Variants in PLD5 observed in about 807,000 individuals in gnomAD.
PLD5 encodes the protein phospholipase D family member 5.
A neutral mutation model predicts 61.1 loss-of-function variants in PLD5; 36 were observed. The observed-to-expected ratio is 0.59, with a 90% confidence interval of 0.45 to 0.78. The LOEUF is 0.78. Among genes scored for constraint, PLD5 ranks in the 30% least tolerant of loss-of-function variants. The pLI is 0.00. For synonymous variants in PLD5, 243 were observed against 242.8 expected (o/e 1.00, Z -0.01); for missense variants, 515 against 644.4 (o/e 0.80, Z 2.17).
intron 1 of PLD5, among the ~76,000 whole-genome samples, chr1:242,486,053 C>A (rs1460548081): frequency 4.6e-5 from 7 of 152,056 alleles, no homozygotes; most frequent in Non-Finnish European, 5.9e-5. Flanking sequence ...ACACCTTATA[C>A]AAAAATTAAT....
At position 242,171,111 on chromosome 1, in the gene PLD5, G is replaced by A. The variant is rs1666717853; in HGVS notation, c.736-46446C>T. ...GTCAGATACAACAGGGTTGAAATGA[G>A]GGAAAAAATGTTAAGGGCAGCCAGA... On this transcript the variant is annotated intron_variant, in intron 5 of 9. Coordinates refer to ENST00000536534, the MANE Select transcript of PLD5 (RefSeq NM_001372062.1). Among the ~76,000 whole-genome samples the A allele has an allele frequency of 2.0e-5, 3 of 152,096 alleles. No homozygotes were observed. The South Asian group carries it at 6.2e-4, about 32-fold the overall frequency.
At chr1:242,157,201 A>G (rs1175948169) in intron 5 of PLD5, among the ~76,000 whole-genome samples, 2 of 152,174 alleles carry the variant, frequency 1.3e-5, no homozygotes, top group African/African-American at 4.8e-5. Flanking sequence ...TTTCAGCTCC[A>G]TCAGGTCATC....
chr1:242,189,328 C>T (rs550747812), intron 5 of PLD5, among the ~76,000 whole-genome samples: 20 of 151,452 alleles, frequency 1.3e-4, no homozygotes, highest in Admixed American at 5.3e-4. Flanking sequence ...CACCTGTAAT[C>T]CCAGTTATTG....
chr1:242,120,554 A>G (rs1262002226), intron 6 of PLD5, among the ~76,000 whole-genome samples: 1 of 152,172 alleles, frequency 6.6e-6, no homozygotes, highest in African/African-American at 2.4e-5. Context: ...TCTAAAGAGG[A>G]ATGTGATGCA....
chr1:242,512,359 G>T (rs772345612), intron 1 of PLD5, among the ~76,000 whole-genome samples: 1 of 149,148 alleles, frequency 6.7e-6, no homozygotes, highest in East Asian at 2.0e-4. Flanking sequence ...GGCAGAGCTT[G>T]CAGTGAGCCA....
intron 5 of PLD5, among the ~76,000 whole-genome samples, chr1:242,193,526 TCA>T (rs1478809894): frequency 6.6e-6 from 1 of 152,190 alleles, no homozygotes; most frequent in African/African-American, 2.4e-5. Context: ...GGCTGCTACT[TCA>T]CAGTTTGACT....
intron 1 of PLD5, among the ~76,000 whole-genome samples, chr1:242,380,644 T>C (rs1447100987): frequency 2.0e-5 from 3 of 152,080 alleles, no homozygotes; most frequent in African/African-American, 7.2e-5. Flanking sequence ...TTTTGTAATC[T>C]ATCCATTTGA....
intron 5 of PLD5, among the ~76,000 whole-genome samples, chr1:242,168,771 G>A (rs1478265099): frequency 1.3e-5 from 2 of 148,856 alleles, no homozygotes; most frequent in African/African-American, 5.0e-5. Context: ...TAAAATAGCA[G>A]TTGTTTAAAG....
At chr1:242,183,259 T>C (rs779065893) in intron 5 of PLD5, among the ~76,000 whole-genome samples, 1 of 152,216 alleles carries the variant, frequency 6.6e-6, no homozygotes, top group African/African-American at 2.4e-5. Context: ...ATAGTTTGAG[T>C]ATCTTATTAA....
At chr1:242,146,267 C>A (rs1218042141) in intron 5 of PLD5, among the ~76,000 whole-genome samples, 2 of 152,182 alleles carry the variant, frequency 1.3e-5, no homozygotes, top group Admixed American at 1.3e-4. Context: ...TCTCTTCACT[C>A]AGTTTTTAGC....
chr1:242,127,273 T>A (rs1007788414), intron 5 of PLD5, among the ~76,000 whole-genome samples: 1 of 152,188 alleles, frequency 6.6e-6, no homozygotes, highest in African/African-American at 2.4e-5. Flanking sequence ...AAAGTAGAAC[T>A]ACCATTGGAT....
chr1:242,459,512 T>G (rs898190322), intron 1 of PLD5, among the ~76,000 whole-genome samples: 1 of 152,188 alleles, frequency 6.6e-6, no homozygotes, highest in African/African-American at 2.4e-5. Context: ...TCAATCCAAT[T>G]GTGATCAGCG....
At chr1:242,397,781 CTTCTTTT>C (rs1395864804) in intron 1 of PLD5, among the ~76,000 whole-genome samples, 6 of 140,686 alleles carry the variant, frequency 4.3e-5, no homozygotes, top group Non-Finnish European at 9.0e-5. Flanking sequence ...TCTTCTTCTT[CTTCTTTT>C]TTTTTTTTTT....
At position 242,363,173 on chromosome 1, in the gene PLD5, G is replaced by A. The variant is rs1661162509; in HGVS notation, c.190-14931C>T. ...CCTGGGGCACACCTGCCTGGAAGGA[G>A]CAGATGGAATAATCGCCAACCCACA... On this transcript the variant is annotated intron_variant, in intron 1 of 9. Coordinates refer to ENST00000536534, the MANE Select transcript of PLD5 (RefSeq NM_001372062.1). 2.0e-5 allele frequency among the ~76,000 whole-genome samples: 3 copies of A among 152,072 alleles called. No homozygotes were observed. In the South Asian group the frequency reaches 6.2e-4, roughly 31 times the overall value.
At chr1:242,197,999 C>T (rs1370295308) in intron 5 of PLD5, among the ~76,000 whole-genome samples, 1 of 152,126 alleles carries the variant, frequency 6.6e-6, no homozygotes, top group African/African-American at 2.4e-5. Context: ...AAGGAAAACA[C>T]CCTCGGCCTC....
chr1:242,292,403 C>A (rs1388992668), intron 2 of PLD5, among the ~76,000 whole-genome samples: 1 of 152,126 alleles, frequency 6.6e-6, no homozygotes, highest in Non-Finnish European at 1.5e-5. Context: ...ACACAGGAAG[C>A]CCAGATAAAC....
intron 5 of PLD5, among the ~76,000 whole-genome samples, chr1:242,196,548 A>T (rs970890175): frequency 6.6e-6 from 1 of 152,250 alleles, no homozygotes; most frequent in Non-Finnish European, 1.5e-5. Context: ...CACAAAATGT[A>T]TATACACACA....
At position 242,315,488 on chromosome 1, in the gene PLD5, C is replaced by T. The variant is rs1212977754; in HGVS notation, c.327-26958G>A. ...GAAAAATGCCCTTCTACCCTTCAGG[C>T]TTACTCACTTACCTTGCCTGGGGAA... On this transcript the variant is annotated intron_variant, in intron 2 of 9. Coordinates refer to ENST00000536534, the MANE Select transcript of PLD5 (RefSeq NM_001372062.1). 2.6e-5 allele frequency among the ~76,000 whole-genome samples: 4 copies of T among 152,284 alleles called. No homozygotes were observed. The East Asian group carries it at 5.8e-4, about 22-fold the overall frequency.
intron 2 of PLD5, among the ~76,000 whole-genome samples, chr1:242,292,504 T>C (rs944475024): frequency 1.3e-5 from 2 of 152,230 alleles, no homozygotes; most frequent in African/African-American, 4.8e-5. Flanking sequence ...ATGGCTTCTC[T>C]TGGGCATACA....
Sources: allele counts gnomAD v4.1 joint callset (sites outside exome capture counted in the v4.1 genomes callset), GRCh38; gene constraint gnomAD v4.1.1; transcripts MANE v1.5; gene names NCBI Gene and HGNC (gene_info 2026-07-23, HGNC 2026-07-21).